The following WDPCP variants were observed in gnomAD, a reference collection of about 807,000 sequenced individuals.
WDPCP encodes the protein WD repeat containing planar cell polarity effector.
A neutral mutation model predicts 93.1 loss-of-function variants in WDPCP; 71 were observed. The ratio of observed to expected loss-of-function variants is 0.76; its 90% CI spans 0.63 to 0.93. The LOEUF (loss-of-function observed/expected upper bound fraction) is 0.93. WDPCP is among the 40% of genes least tolerant of loss of function. The pLI is 0.00. For missense variants in WDPCP, 844 were observed against 887.4 expected, an observed-to-expected ratio of 0.95 and a Z score of 0.62; for synonymous variants, 315 against 315.0, an observed-to-expected ratio of 1.00 and a Z score of 0.00.
At chr2:63,128,787 A>G (rs1023230022) in intron 17 of WDPCP, among the ~76,000 whole-genome samples, 1 of 151,808 alleles carries the variant, frequency 6.6e-6, no homozygotes, top group African/African-American at 2.4e-5. Flanking sequence ...TCCTGCCTCA[A>G]CCTCTCGAGT....
chr2:63,753,930 T>G (rs910213591), intron 2 of WDPCP, among the ~76,000 whole-genome samples: 1 of 152,078 alleles, frequency 6.6e-6, no homozygotes, highest in Non-Finnish European at 1.5e-5. Context: ...AGACAGAGAT[T>G]TGGGTGGATG....
chr2:63,514,210 G>A (rs1190532835), intron 1 of WDPCP, among the ~76,000 whole-genome samples: 2 of 152,146 alleles, frequency 1.3e-5, no homozygotes, highest in Non-Finnish European at 2.9e-5. Context: ...AATGAGCCTT[G>A]TAGAACTCTT....
rs1049591869 is a variant in WDPCP, at chr2:63,451,195, A to G, written c.385-11324T>C. On this transcript the variant is annotated intron_variant, in intron 6 of 17. Coordinates refer to ENST00000272321, the MANE Select transcript of WDPCP (RefSeq NM_015910.7). ...ATACAGAAACTGAAGAATTCCTTCTATGAAATACAAAATACAGTCAAAAGC... is the reference window on the plus strand; with the variant it reads ...ATACAGAAACTGAAGAATTCCTTCTGTGAAATACAAAATACAGTCAAAAGC... 2.0e-5 allele frequency among the ~76,000 whole-genome samples: 3 copies of G among 152,074 alleles called. No individual in the cohort carries two copies. In the East Asian group the frequency reaches 5.8e-4, roughly 29 times the overall value.
At chr2:63,585,835 CTTT>C (rs11309831) in intron 1 of WDPCP, among the ~76,000 whole-genome samples, 15 of 103,080 alleles carry the variant, frequency 1.5e-4, no homozygotes, top group Admixed American at 2.1e-4. Flanking sequence ...AAATAATTTT[CTTT>C]TTTTTTTTTT....
At chr2:63,249,508 C>A (rs1164180117) in intron 14 of WDPCP, among the ~76,000 whole-genome samples, 1 of 152,164 alleles carries the variant, frequency 6.6e-6, no homozygotes, top group African/African-American at 2.4e-5. Context: ...CTACAGTGAT[C>A]ATGGGTTTTG....
intron 14 of WDPCP, among the ~76,000 whole-genome samples, chr2:63,216,481 TTC>T (rs1677352794): frequency 6.6e-6 from 1 of 152,052 alleles, no homozygotes. Context: ...ACCGCATGTG[TTC>T]TCACTTATAG....
intron 1 of WDPCP, among the ~76,000 whole-genome samples, chr2:63,501,497 T>C (rs1464870664): frequency 7.2e-5 from 11 of 152,152 alleles, no homozygotes; most frequent in Admixed American, 7.2e-4. Context: ...GACCAGGAGT[T>C]GGAGAGTGCA....
intron 14 of WDPCP, among the ~76,000 whole-genome samples, chr2:63,187,387 T>G (rs1674718825): frequency 6.6e-6 from 1 of 152,240 alleles, no homozygotes; most frequent in Admixed American, 6.5e-5. Context: ...GGAAGGATTT[T>G]CTGTTGCCAT....
intron 2 of WDPCP, among the ~76,000 whole-genome samples, chr2:63,779,499 C>G (rs1358931664): frequency 6.6e-6 from 1 of 152,118 alleles, no homozygotes; most frequent in African/African-American, 2.4e-5. Context: ...CATTGCTTGT[C>G]CTGGTTTATT....
At chr2:63,321,464 A>AT (rs1425541884) in intron 12 of WDPCP, among the ~76,000 whole-genome samples, 1 of 150,754 alleles carries the variant, frequency 6.6e-6, no homozygotes, top group Non-Finnish European at 1.5e-5. Flanking sequence ...TACTTTGCTG[A>AT]TTTATTTCCT....
chr2:63,744,198 T>C (rs1669762195), intron 2 of WDPCP, among the ~76,000 whole-genome samples: 1 of 152,130 alleles, frequency 6.6e-6, no homozygotes, highest in Admixed American at 6.6e-5. Flanking sequence ...TCGAGCAGAA[T>C]ATTCATACTT....
chr2:63,291,220 A>G (rs924104897), intron 13 of WDPCP, among the ~76,000 whole-genome samples: 5 of 151,890 alleles, frequency 3.3e-5, no homozygotes, highest in African/African-American at 4.8e-5. Context: ...TACAGTTTCT[A>G]TGTTTCTCCT....
At chr2:63,471,535 G>A (rs1367776111) in intron 6 of WDPCP, among the ~76,000 whole-genome samples, 1 of 152,188 alleles carries the variant, frequency 6.6e-6, no homozygotes, top group African/African-American at 2.4e-5. Flanking sequence ...GCAAGGAGTA[G>A]TGTCTTCAAT....
chr2:63,676,847 C>T (rs1710409592), intron 2 of WDPCP, among the ~76,000 whole-genome samples: 1 of 151,972 alleles, frequency 6.6e-6, no homozygotes, highest in African/African-American at 2.4e-5. Context: ...CTGGTAAAAT[C>T]TGAATAGGCT....
chr2:63,707,372 TC>T (rs1217135107), intron 2 of WDPCP, among the ~76,000 whole-genome samples: 1 of 152,222 alleles, frequency 6.6e-6, no homozygotes, highest in Non-Finnish European at 1.5e-5. Context: ...TTCATTTCAT[TC>T]ATTTTATCTT....
intron 10 of WDPCP, 100 bp from the exon 11 acceptor site, chr2:63,382,194 A>AT: frequency 8.3e-7 from 1 of 1,202,052 alleles, no homozygotes; most frequent in Non-Finnish European, 1.2e-6. Context: ...TATTGCTTGC[A>AT]TTAAGTGCTA....
intron 2 of WDPCP, among the ~76,000 whole-genome samples, chr2:63,653,106 AC>A (rs956364800): frequency 2.2e-4 from 34 of 152,352 alleles, no homozygotes; most frequent in African/African-American, 8.2e-4. Flanking sequence ...GGGAACCCAA[AC>A]AGAGCCTGGT....
chr2:63,486,867 C>G (rs1214436274), intron 3 of WDPCP, among the ~76,000 whole-genome samples: 1 of 151,952 alleles, frequency 6.6e-6, no homozygotes, highest in Non-Finnish European at 1.5e-5. Flanking sequence ...GGAAAGAGAA[C>G]TGCAACAGAG....
In WDPCP at chr2:63,134,195, G is replaced by T. The variant is rs527912386; in HGVS notation, c.2191-12139C>A. On this transcript the variant is annotated intron_variant, in intron 17 of 17. Coordinates refer to ENST00000272321, the MANE Select transcript of WDPCP (RefSeq NM_015910.7). ...CTTTAGTGAAATTCTAATCCCACCT[G>T]GTCAAATCCTTGTTATTTTGCCCAC... 1.1e-4 allele frequency among the ~76,000 whole-genome samples: 16 copies of T among 152,142 alleles called. No homozygotes were observed. The South Asian group carries it at 2.9e-3, about 28-fold the overall frequency.
Sources: allele counts gnomAD v4.1 joint callset (sites outside exome capture counted in the v4.1 genomes callset), GRCh38; gene constraint gnomAD v4.1.1; transcripts MANE v1.5; gene names NCBI Gene and HGNC (gene_info 2026-07-23, HGNC 2026-07-21).